The following SPTA1 variants were observed in gnomAD, a reference collection of about 807,000 sequenced individuals.
SPTA1 encodes spectrin alpha, erythrocytic 1, also known as spectrin alpha chain, erythrocytic 1.
SPTA1 carries 177 observed loss-of-function variants against 324.7 expected under a neutral mutation model. That is an observed-to-expected ratio of 0.55 (90% confidence interval 0.48 to 0.62). SPTA1 has a LOEUF of 0.62. Ranked by LOEUF, SPTA1 falls within the 20% of genes least tolerant of loss-of-function variation. SPTA1 has a pLI of 0.00. For missense variants in SPTA1, 3,162 were observed against 2,883.6 expected (o/e 1.10, Z -2.21); for synonymous variants, 1,195 against 1,041.3 (o/e 1.15, Z -2.84).
At chr1:158,629,631 A>G (rs917642082) in intron 39 of SPTA1, among the ~76,000 whole-genome samples, 3 of 152,120 alleles carry the variant, frequency 2.0e-5, no homozygotes, top group Non-Finnish European at 2.9e-5. Flanking sequence ...CAAGGCAAAG[A>G]TAATCGCTCT....
chr1:158,649,974 G>A, intron 24 of SPTA1, 27 bp from the exon 25 acceptor site: 2 of 1,535,936 alleles, frequency 1.3e-6, no homozygotes, highest in Non-Finnish European at 1.8e-6. Context: ...CATCAGACTT[G>A]AGACAGAGAA....
At chr1:158,647,808 C>T (rs890565618) in intron 26 of SPTA1, 88 bp from the exon 27 acceptor site, 19 of 1,392,638 alleles carry the variant, frequency 1.4e-5, no homozygotes, top group Non-Finnish European at 1.7e-5. Context: ...GTATTCAGCT[C>T]CTCAAATAGA....
chr1:158,669,520 C>G lies in SPTA1; in HGVS notation c.1721G>C (p.Arg574Thr). ...CAATGACTCCTTCAGCAATCTACGT[C>G]TAGTGGCAGCCTTTTCACGTAGGGC... ...RDALREKAAT[R>T]RRLLKESLLL... Residue 574 changes from arginine (R) to threonine (T), a missense_variant, in exon 14 of 52, where the codon AGA becomes ACA. Coordinates refer to ENST00000643759, the MANE Select transcript of SPTA1 (RefSeq NM_003126.4). The G allele has an allele frequency of 6.2e-7, 1 of 1,614,126 alleles. No homozygotes were observed. The highest frequency in any genetic ancestry group is 8.5e-7 in the Non-Finnish European group (1 of 1,179,986).
At chr1:158,634,725 A>C in intron 38 of SPTA1, 50 bp from the exon 39 acceptor site, 1 of 1,611,272 alleles carries the variant, frequency 6.2e-7, no homozygotes, top group Non-Finnish European at 8.5e-7. Context: ...ACTGGTAAGC[A>C]GTGGGAGTAC....
At position 158,614,314 on chromosome 1, in the gene SPTA1, A is replaced by AAG; in HGVS notation, c.6789-9_6789-8insCT. 1 of 1,063,052 alleles carries AAG rather than the reference A, an allele frequency of 9.4e-7. No homozygotes were observed. The highest frequency in any genetic ancestry group is 1.2e-6 in the Non-Finnish European group (1 of 802,442). 65.9% of individuals were successfully genotyped at this position (1,063,052 alleles called of 1,614,324 possible). On this transcript the variant is annotated splice_polypyrimidine_tract_variant and intron_variant, in intron 48 of 51. Coordinates refer to ENST00000643759, the MANE Select transcript of SPTA1 (RefSeq NM_003126.4). ...CTCACACCTTTGATGTCCCTGAAAG[A>AAG]AAAAAAAAAAACATGAATTTTCCCT...
intron 35 of SPTA1, 71 bp downstream of exon 35, chr1:158,639,511 T>C: frequency 6.6e-7 from 1 of 1,505,146 alleles, no homozygotes; most frequent in Non-Finnish European, 9.2e-7. Context: ...AATGGTCTCC[T>C]AACATGGGAG....
chr1:158,648,639 G>T lies in SPTA1; in HGVS notation c.3584C>A (p.Thr1195Lys). 1 of 1,613,728 alleles carries T rather than the reference G, an allele frequency of 6.2e-7. No homozygotes were observed. The highest frequency in any genetic ancestry group is 8.5e-7 in the Non-Finnish European group (1 of 1,179,888). ...VEVFHREADD[T>K]KEQIEKKCQA... ...GCATTTCTTCTCAATCTGCTCCTTC[G>T]TGTCATCTGCTTCTCTGGTATACAA... The change falls in exon 26 of 52, where the codon ACG (threonine) becomes AAG (lysine). Residue 1195 changes from threonine (T) to lysine (K), a missense_variant. Thr to Lys is a moderately conservative substitution (Grantham distance 78, BLOSUM62 -1). Transcript: ENST00000643759.
chr1:158,645,472 G>A, intron 28 of SPTA1, 23 bp downstream of exon 28: 1 of 1,613,878 alleles, frequency 6.2e-7, no homozygotes, highest in Non-Finnish European at 8.5e-7. Context: ...AGTGATCAGT[G>A]GCTGTGACTT....
intron 11 of SPTA1, 31 bp from the exon 12 acceptor site, chr1:158,671,484 G>GT: frequency 6.4e-7 from 1 of 1,555,722 alleles, no homozygotes; most frequent in Non-Finnish European, 8.9e-7. Flanking sequence ...CACCTAAGCT[G>GT]TGTCTGACCG....
At chr1:158,622,832 T>G (rs1650002850) in intron 43 of SPTA1, 151 bp downstream of exon 43, 1 of 764,812 alleles carries the variant, frequency 1.3e-6, no homozygotes, top group South Asian at 1.7e-5. Context: ...TTCAATCTAC[T>G]TTTTGCTCAG....
At chr1:158,660,265 T>C (rs1653121581) in intron 18 of SPTA1, among the ~76,000 whole-genome samples, 1 of 152,164 alleles carries the variant, frequency 6.6e-6, no homozygotes, top group Non-Finnish European at 1.5e-5. Context: ...CAAGGCCTGA[T>C]TATATGCTAT....
At chr1:158,622,850 G>T in intron 43 of SPTA1, 133 bp downstream of exon 43, 3 of 895,262 alleles carry the variant, frequency 3.4e-6, no homozygotes, top group Non-Finnish European at 3.6e-6. Context: ...CAGTAAGAAT[G>T]TCTTCCCAAC....
Position 158,685,306 on chromosome 1 carries a change from T to G in SPTA1, c.66A>C (p.Glu22Asp). ...SSGPKVLETA[E>D]EIQERRQEVL... The stretch of plus-strand genomic sequence containing the variant: ...CTTCCTGACGCCTCTCCTGGATCTC[T>G]TCTGCTGTTTCCAAAACCTTTGGCC... Residue 22 changes from glutamate (E) to aspartate (D), a missense_variant, in exon 2 of 52, where the codon GAA becomes GAC. Physicochemically the swap from Glu to Asp is conservative, Grantham distance 45 (BLOSUM62 2). Transcript: ENST00000643759. 1.2e-6 allele frequency: 2 copies of G among 1,613,818 alleles called. No homozygotes were observed. The highest frequency in any genetic ancestry group is 1.7e-6 in the Non-Finnish European group (2 of 1,179,826).
At chr1:158,655,935 C>T (rs77432927) in intron 20 of SPTA1, among the ~76,000 whole-genome samples, 1,685 of 152,198 alleles carry the variant, frequency 0.011, 16 homozygotes, top group Non-Finnish European at 0.019. Flanking sequence ...ACTAGAAAAA[C>T]GCTTATCCTC....
At position 158,666,335 on chromosome 1, in the gene SPTA1, G is replaced by A. The variant is rs1242684254; in HGVS notation, c.2201C>T (p.Ser734Leu). ...NRLRKHGLLE[S>L]AVAARQDQVD... ...ACAAACCTGACGAGCAGCCACAGCCGACTCCAGGAGGCCGTGTTTCCTGAG... is the reference window on the plus strand; with the variant it reads ...ACAAACCTGACGAGCAGCCACAGCCAACTCCAGGAGGCCGTGTTTCCTGAG... The change falls in exon 16 of 52, where the codon TCG (serine) becomes TTG (leucine). Residue 734 changes from serine (S) to leucine (L), a missense_variant. Transcript: ENST00000643759. 6.8e-6 allele frequency: 11 copies of A among 1,613,740 alleles called. No homozygotes were observed. Among genetic ancestry groups the A allele is most frequent in the South Asian group, 1.1e-5 (1 of 91,042 alleles).
intron 16 of SPTA1, among the ~76,000 whole-genome samples, chr1:158,663,536 C>T (rs1021211347): frequency 6.6e-6 from 1 of 152,136 alleles, no homozygotes; most frequent in Non-Finnish European, 1.5e-5. Flanking sequence ...ATTTTGAAGG[C>T]TCTTCCTAGA....
intron 27 of SPTA1, among the ~76,000 whole-genome samples, chr1:158,646,142 C>T (rs1651983432): frequency 6.6e-6 from 1 of 152,134 alleles, no homozygotes; most frequent in Admixed American, 6.5e-5. Flanking sequence ...GGCCTCCACA[C>T]TGTTGATTAA....
At chr1:158,642,617 A>C in intron 32 of SPTA1, 75 bp from the exon 33 acceptor site, 1 of 1,596,702 alleles carries the variant, frequency 6.3e-7, no homozygotes, top group South Asian at 1.1e-5. Context: ...TGTATTTAAA[A>C]GGAAGGGCTA....
Position 158,651,371 on chromosome 1 carries a change from C to T in SPTA1, c.3473G>A (p.Arg1158Gln), listed in dbSNP as rs765768719. 9 of 1,611,882 alleles carry T rather than the reference C, an allele frequency of 5.6e-6. No homozygotes were observed. Among genetic ancestry groups the T allele is most frequent in the Middle Eastern group, 3.3e-4 (2 of 6,080 alleles). ...AATGGAGGGAGCCTTAGTTACCTGCCGGATTTGAGCTCCTTCTGGTGTTAG... is the reference window on the plus strand; with the variant it reads ...AATGGAGGGAGCCTTAGTTACCTGCTGGATTTGAGCTCCTTCTGGTGTTAG... ...GLLTPEGAQI[R>Q]QELNSRWGSL... The change falls in exon 24 of 52, where the codon CGG becomes CAG. Residue 1158 changes from arginine (R) to glutamine (Q), a missense_variant. By Grantham distance (43) the Arg-to-Gln change is conservative. Coordinates refer to ENST00000643759, the MANE Select transcript of SPTA1 (RefSeq NM_003126.4).
Sources: allele counts gnomAD v4.1 joint callset (sites outside exome capture counted in the v4.1 genomes callset), GRCh38; gene constraint gnomAD v4.1.1; transcripts MANE v1.5; gene names NCBI Gene and HGNC (gene_info 2026-07-23, HGNC 2026-07-21).